Variants in PDE3A observed in about 807,000 individuals in gnomAD.
PDE3A encodes the protein cGMP-inhibited 3',5'-cyclic phosphodiesterase 3A.
Under a neutral mutation model 98.3 loss-of-function variants are expected in PDE3A, and 43 were observed. That is an observed-to-expected ratio of 0.44 (90% CI 0.34 to 0.56). The LOEUF is 0.56. PDE3A is among the 20% of genes least tolerant of loss of function. PDE3A has a pLI of 0.01. For missense variants in PDE3A, 1,427 were observed against 1,440.7 expected, an observed-to-expected ratio of 0.99 and a Z score of 0.15; for synonymous variants, 663 against 567.9, an observed-to-expected ratio of 1.17 and a Z score of -2.38.
chr12:20,532,156 T>G (rs1941616590), intron 1 of PDE3A, among the ~76,000 whole-genome samples: 1 of 152,086 alleles, frequency 6.6e-6, no homozygotes. Context: ...ACATGTAGAG[T>G]CATCTTTATG....
At chr12:20,397,828 C>G (rs1944045664) in intron 1 of PDE3A, among the ~76,000 whole-genome samples, 2 of 152,010 alleles carry the variant, frequency 1.3e-5, no homozygotes, top group South Asian at 2.1e-4. Flanking sequence ...AGCTCATTTT[C>G]TTAGATGCTA....
intron 1 of PDE3A, among the ~76,000 whole-genome samples, chr12:20,523,082 G>A (rs1274818712): frequency 6.6e-6 from 1 of 152,182 alleles, no homozygotes; most frequent in South Asian, 2.1e-4. Flanking sequence ...GGTGGCATTA[G>A]GCTAAAGATA....
intron 15 of PDE3A, among the ~76,000 whole-genome samples, chr12:20,655,785 T>C (rs1387933456): frequency 6.6e-6 from 1 of 152,102 alleles, no homozygotes; most frequent in Admixed American, 6.5e-5. Context: ...AGCTGCTCTA[T>C]TGAGAATATG....
rs929432594 is a variant in PDE3A, at chr12:20,613,316, A to G, written c.1012-127A>G. The G allele has an allele frequency of 1.3e-5, 11 of 851,410 alleles. No homozygotes were observed. In the East Asian group the frequency reaches 2.3e-4, roughly 18 times the overall value. 52.7% of individuals were successfully genotyped at this position (851,410 alleles called of 1,614,324 possible). A position where few individuals can be genotyped will look rare whatever the true frequency, so the allele number is the denominator to read the frequency against. ...GCAGAATTTGAAATAGGTGGTGTGA[A>G]TTTTACTGTACTGAAATCCTAAAGA... is the stretch of plus-strand genomic sequence containing the variant. On this transcript the variant is annotated intron_variant, in intron 2 of 15. Transcript: ENST00000359062.
intron 2 of PDE3A, among the ~76,000 whole-genome samples, chr12:20,569,176 C>A (rs1293127453): frequency 1.3e-5 from 2 of 151,764 alleles, no homozygotes; most frequent in African/African-American, 4.8e-5. Flanking sequence ...CTTTGGTAAC[C>A]ACATTTAAAG....
At chr12:20,634,180 T>G (rs972535674) in intron 7 of PDE3A, among the ~76,000 whole-genome samples, 3 of 152,164 alleles carry the variant, frequency 2.0e-5, no homozygotes, top group Non-Finnish European at 2.9e-5. Context: ...TATATAGAAC[T>G]ATATAGAAAT....
chr12:20,678,307 T>A (rs1338146171), intron 15 of PDE3A, among the ~76,000 whole-genome samples: 1 of 152,100 alleles, frequency 6.6e-6, no homozygotes, highest in Non-Finnish European at 1.5e-5. Context: ...CTTAGGCATT[T>A]CCTGTAATTT....
At chr12:20,428,576 C>T (rs1222381912) in intron 1 of PDE3A, among the ~76,000 whole-genome samples, 3 of 151,890 alleles carry the variant, frequency 2.0e-5, no homozygotes, top group African/African-American at 4.8e-5. Context: ...CCACCATGCC[C>T]GGCCTAAAAT....
intron 2 of PDE3A, among the ~76,000 whole-genome samples, chr12:20,584,968 C>T (rs1943157226): frequency 6.6e-6 from 1 of 152,142 alleles, no homozygotes; most frequent in Admixed American, 6.6e-5. Context: ...TTTTTCACTT[C>T]TTTGTTTCAC....
chr12:20,456,520 G>C (rs1055864914), intron 1 of PDE3A, among the ~76,000 whole-genome samples: 1 of 151,914 alleles, frequency 6.6e-6, no homozygotes, highest in African/African-American at 2.4e-5. Flanking sequence ...AAACTAAATC[G>C]ATAGCTCCAA....
chr12:20,616,837 C>G (rs1375154535), intron 4 of PDE3A, among the ~76,000 whole-genome samples: 2 of 152,080 alleles, frequency 1.3e-5, no homozygotes, highest in Admixed American at 1.3e-4. Context: ...AGTAGATCAT[C>G]CTAAGAACAC....
chr12:20,578,553 A>G (rs1942995797), intron 2 of PDE3A, among the ~76,000 whole-genome samples: 1 of 152,062 alleles, frequency 6.6e-6, no homozygotes, highest in Non-Finnish European at 1.5e-5. Context: ...TCATCACAAT[A>G]AGCACTATCA....
At chr12:20,543,828 A>G (rs1461117994) in intron 1 of PDE3A, among the ~76,000 whole-genome samples, 2 of 152,042 alleles carry the variant, frequency 1.3e-5, no homozygotes, top group Non-Finnish European at 2.9e-5. Flanking sequence ...GTAAGTCCTT[A>G]CTATGTACCA....
chr12:20,651,585 T>A (rs1037146455), intron 14 of PDE3A, among the ~76,000 whole-genome samples: 2 of 152,000 alleles, frequency 1.3e-5, no homozygotes, highest in African/African-American at 4.8e-5. Flanking sequence ...TCTATAGAAG[T>A]TATTGGGAGG....
chr12:20,554,406 A>ATT (rs199618796), intron 1 of PDE3A, among the ~76,000 whole-genome samples: 1 of 119,376 alleles, frequency 8.4e-6, no homozygotes, highest in African/African-American at 2.5e-5. Context: ...GATTTATTTA[A>ATT]TTTTTTTTTT....
chr12:20,661,384 C>G (rs774921397), intron 15 of PDE3A, among the ~76,000 whole-genome samples: 19 of 152,164 alleles, frequency 1.2e-4, no homozygotes, highest in African/African-American at 4.6e-4. Flanking sequence ...TAAATCCAAG[C>G]GAGCTGCAGA....
rs73232271 is a variant in PDE3A, at chr12:20,474,474, C to T, written c.961-82186C>T. ...TTCTCTGGCATCTATAACAAATTAC[C>T]GCAAACTCAGTGGCTTAAAACAACA... On this transcript the variant is annotated intron_variant, in intron 1 of 15. Coordinates refer to ENST00000359062, the MANE Select transcript of PDE3A (RefSeq NM_000921.5). 9.7e-3 allele frequency among the ~76,000 whole-genome samples: 1,469 copies of T among 152,140 alleles called. 24 individuals are homozygous for T. Among genetic ancestry groups the T allele is most frequent in the African/African-American group, 0.032 (1,326 of 41,510 alleles).
At chr12:20,461,757 T>C (rs552631186) in intron 1 of PDE3A, among the ~76,000 whole-genome samples, 3 of 152,204 alleles carry the variant, frequency 2.0e-5, no homozygotes, top group Admixed American at 1.3e-4. Context: ...TGTAGCAAAT[T>C]GTAATGAATT....
At chr12:20,638,252 A>T (rs1435192739) in intron 9 of PDE3A, among the ~76,000 whole-genome samples, 2 of 152,182 alleles carry the variant, frequency 1.3e-5, no homozygotes, top group African/African-American at 4.8e-5. Context: ...ATCTGTGAAG[A>T]TTGAAGGGAA....
Sources: gnomAD v4.1 joint callset for allele counts (sites outside exome capture counted in the v4.1 genomes callset) on GRCh38, gnomAD v4.1.1 for gene constraint, MANE v1.5 for transcripts, NCBI Gene and HGNC (gene_info 2026-07-23, HGNC 2026-07-21) for gene names.